EXOC6B: variants seen among roughly 807,000 people sequenced by gnomAD.
EXOC6B encodes SEC15 homolog B.
A neutral mutation model predicts 113.5 loss-of-function variants in EXOC6B; 54 were observed. The observed-to-expected ratio is 0.48, with a 90% CI of 0.38 to 0.60. The LOEUF is 0.60. Ranked by LOEUF, EXOC6B falls within the 20% of genes least tolerant of loss-of-function variation. EXOC6B has a pLI of 0.00. For synonymous variants in EXOC6B, 357 were observed against 339.0 expected (o/e 1.05, Z -0.58); for missense variants, 797 against 977.5 (o/e 0.82, Z 2.46).
In EXOC6B at chr2:72,228,329, C is replaced by G. The variant is rs1370358148; in HGVS notation, c.2197-44142G>C. Among the ~76,000 whole-genome samples, 3 of 152,022 alleles carry G rather than the reference C, an allele frequency of 2.0e-5. No individual in the cohort carries two copies. The East Asian group carries it at 5.8e-4, about 29-fold the overall frequency. On this transcript the variant is annotated intron_variant, in intron 20 of 21. Transcript: ENST00000272427. ...ATGTGCACAACGTGCAGGTTTGTTA[C>G]ATATGTATACATGTGCCATGTTGGT...
intron 20 of EXOC6B, among the ~76,000 whole-genome samples, chr2:72,187,865 C>T (rs1236991885): frequency 6.6e-6 from 1 of 152,212 alleles, no homozygotes; most frequent in Non-Finnish European, 1.5e-5. Context: ...TTTCTGCTCC[C>T]ATTCATGGCA....
intron 20 of EXOC6B, among the ~76,000 whole-genome samples, chr2:72,318,921 C>T (rs1687683282): frequency 6.6e-6 from 1 of 150,702 alleles, no homozygotes; most frequent in Non-Finnish European, 1.5e-5. Context: ...ACCTTAAAAT[C>T]ATAAGAACCT....
chr2:72,300,065 C>T (rs772893447), intron 20 of EXOC6B, among the ~76,000 whole-genome samples: 25 of 152,190 alleles, frequency 1.6e-4, no homozygotes, highest in Admixed American at 4.6e-4. Flanking sequence ...TGGAGATCTG[C>T]TGCTCTCTTC....
intron 18 of EXOC6B, among the ~76,000 whole-genome samples, chr2:72,393,183 C>T (rs1230542741): frequency 6.6e-6 from 1 of 151,872 alleles, no homozygotes; most frequent in Non-Finnish European, 1.5e-5. Context: ...CAGCCTCTAC[C>T]TCCCAGTTCA....
intron 18 of EXOC6B, among the ~76,000 whole-genome samples, chr2:72,421,685 C>T (rs576505269): frequency 4.6e-5 from 7 of 152,274 alleles, no homozygotes; most frequent in African/African-American, 1.7e-4. Flanking sequence ...ACAGCCCTCA[C>T]TCGCTCTCGG....
rs777702053 is a variant in EXOC6B at position 72,496,437 on chromosome 2, T to C, written c.1443+17A>G. On this transcript the variant is annotated intron_variant, in intron 14 of 21. Transcript: ENST00000272427. ...TGCCAAAACAACCAGAGAAATTTATTTTAAAGTATTCCTTACCTTTTCCAG... is the reference window on the plus strand; with the variant it reads ...TGCCAAAACAACCAGAGAAATTTATCTTAAAGTATTCCTTACCTTTTCCAG... 13 of 1,484,494 alleles carry C rather than the reference T, an allele frequency of 8.8e-6. No homozygotes were observed. In the South Asian group the frequency reaches 1.4e-4, roughly 16 times the overall value. 92.0% of individuals were successfully genotyped at this position (1,484,494 alleles called of 1,614,324 possible). A position where few individuals can be genotyped will look rare whatever the true frequency, so the allele number is the denominator to read the frequency against.
rs1025190653 is a variant in EXOC6B at position 72,455,403 on chromosome 2, T to A, written c.1980+9757A>T. On this transcript the variant is annotated intron_variant, in intron 18 of 21. Transcript: ENST00000272427. ...GTTCCGGGAATTGTTCTGGTCACCA[T>A]GACCAAAATTTTATACACTAACAAA... is the stretch of plus-strand genomic sequence containing the variant. 3.3e-5 allele frequency among the ~76,000 whole-genome samples: 5 copies of A among 152,180 alleles called. 1 individual carries two copies. Among genetic ancestry groups the A allele is most frequent in the African/African-American group, 1.2e-4 (5 of 41,466 alleles).
intron 8 of EXOC6B, among the ~76,000 whole-genome samples, chr2:72,528,283 G>A (rs1039019426): frequency 2.0e-5 from 3 of 151,826 alleles, no homozygotes; most frequent in Non-Finnish European, 2.9e-5. Flanking sequence ...GCTCATTCTC[G>A]CTCTCTCTTT....
intron 20 of EXOC6B, among the ~76,000 whole-genome samples, chr2:72,192,028 G>T (rs915105696): frequency 6.6e-6 from 1 of 152,116 alleles, no homozygotes; most frequent in Non-Finnish European, 1.5e-5. Flanking sequence ...TCCTCCTCCT[G>T]GACTGTCTGT....
chr2:72,804,771 T>C (rs374812165), intron 1 of EXOC6B, among the ~76,000 whole-genome samples: 90 of 152,136 alleles, frequency 5.9e-4, no homozygotes, highest in African/African-American at 2.1e-3. Context: ...AATTTTTTTG[T>C]ATTTTTAGTA....
intron 19 of EXOC6B, among the ~76,000 whole-genome samples, chr2:72,371,830 A>G (rs1311253964): frequency 3.3e-5 from 5 of 152,176 alleles, no homozygotes; most frequent in Non-Finnish European, 7.3e-5. Flanking sequence ...AGTCCTATAG[A>G]GCAATTAAAC....
At chr2:72,291,771 C>T (rs893902764) in intron 20 of EXOC6B, among the ~76,000 whole-genome samples, 2 of 152,172 alleles carry the variant, frequency 1.3e-5, no homozygotes, top group African/African-American at 2.4e-5. Context: ...GGTACATCTA[C>T]AAGAATACTA....
At chr2:72,199,607 C>T (rs1036671252) in intron 20 of EXOC6B, among the ~76,000 whole-genome samples, 2 of 152,154 alleles carry the variant, frequency 1.3e-5, no homozygotes, top group Non-Finnish European at 2.9e-5. Context: ...CTCTCCACCG[C>T]CATTCCCCAT....
chr2:72,561,563 C>T (rs1438423255), intron 7 of EXOC6B, among the ~76,000 whole-genome samples: 5 of 152,046 alleles, frequency 3.3e-5, no homozygotes, highest in Non-Finnish European at 7.4e-5. Context: ...GGCCTTAGCC[C>T]TTTTATATGT....
chr2:72,182,993 G>T (rs1419658988), intron 21 of EXOC6B: 2 of 926,460 alleles, frequency 2.2e-6, no homozygotes, highest in Non-Finnish European at 2.8e-6. Context: ...GGAGAAAACT[G>T]CAGTCTGAGT....
At chr2:72,691,982 C>T (rs1173242835) in intron 6 of EXOC6B, among the ~76,000 whole-genome samples, 2 of 152,096 alleles carry the variant, frequency 1.3e-5, no homozygotes, top group South Asian at 2.1e-4. Context: ...CTGCGCCCAG[C>T]CCCTGTTCCC....
intron 1 of EXOC6B, among the ~76,000 whole-genome samples, chr2:72,814,042 C>CATCTTG (rs145912559): frequency 0.02 from 3,104 of 152,272 alleles, 103 homozygotes; most frequent in African/African-American, 0.069. Flanking sequence ...GAATGTGCAA[C>CATCTTG]AAGATGTCAG....
At chr2:72,798,484 G>A (rs1256528228) in intron 1 of EXOC6B, among the ~76,000 whole-genome samples, 1 of 152,014 alleles carries the variant, frequency 6.6e-6, no homozygotes, top group Non-Finnish European at 1.5e-5. Flanking sequence ...ATAACTATGT[G>A]GAGACTCAAA....
chr2:72,530,695 T>C (rs1488893134), intron 8 of EXOC6B, among the ~76,000 whole-genome samples: 1 of 152,178 alleles, frequency 6.6e-6, no homozygotes, highest in Non-Finnish European at 1.5e-5. Flanking sequence ...ATAACAGTGA[T>C]TCATCCATTT....
Sources: gnomAD v4.1 joint callset for allele counts (sites outside exome capture counted in the v4.1 genomes callset) on GRCh38, gnomAD v4.1.1 for gene constraint, MANE v1.5 for transcripts, NCBI Gene and HGNC (gene_info 2026-07-23, HGNC 2026-07-21) for gene names.